Variants in ERICH1 observed in about 807,000 individuals in gnomAD.
ERICH1 encodes the protein glutamate rich 1.
ERICH1 carries 56 observed loss-of-function variants against 39.6 expected under a neutral mutation model. The ratio of observed to expected loss-of-function variants is 1.41; its 90% CI spans 1.14 to 1.77. The LOEUF is 1.77. ERICH1 is among the 40% of genes most tolerant of loss of function. The probability of loss-of-function intolerance (pLI) is 0.00; values close to 1 mark genes in which losing one functional copy is unlikely to be tolerated. For synonymous variants in ERICH1, 313 were observed against 223.6 expected (o/e 1.40, Z -3.57); for missense variants, 826 against 575.4 (o/e 1.44, Z -4.45).
chr8:641,322 C>G (rs1244607149), intron 3 of ERICH1: 1 of 152,164 alleles, frequency 6.6e-6, no homozygotes, highest in East Asian at 1.9e-4. Context: ...AAAAAGAAAT[C>G]AGCCATTTAG....
At chr8:685,422 T>C (rs1807104781) in intron 3 of ERICH1, among the ~76,000 whole-genome samples, 1 of 152,172 alleles carries the variant, frequency 6.6e-6, no homozygotes, top group African/African-American at 2.4e-5. Flanking sequence ...TTTGTGCAGT[T>C]AACGCAACCA....
chr8:643,333 G>A (rs924179052), intron 3 of ERICH1, among the ~76,000 whole-genome samples: 1 of 152,202 alleles, frequency 6.6e-6, no homozygotes, highest in East Asian at 1.9e-4. Flanking sequence ...GCAGGCTGCG[G>A]TGTGGCACAG....
intron 3 of ERICH1, among the ~76,000 whole-genome samples, chr8:630,039 C>T (rs1183325707): frequency 9.5e-6 from 1 of 105,484 alleles, no homozygotes; most frequent in African/African-American, 4.1e-5. Flanking sequence ...CCTCCCGTGA[C>T]CACCCACACA....
rs1447794011 is a variant in ERICH1, at chr8:731,154, G to T, written c.8C>A (p.Ala3Glu). MAAHRKHVFVEKV... is the reference protein window; with the variant it reads MAEHRKHVFVEKV... ...CACCCACCTACCGTGCTTCCTGTGC[G>T]CCGCCATGCGGGACCCTGCCGCGGA... Residue 3 changes from alanine to glutamate, a missense_variant, in exon 1 of 6, where the codon GCG (alanine) becomes GAG (glutamate). Coordinates refer to ENST00000262109, the MANE Select transcript of ERICH1 (RefSeq NM_207332.3). The T allele has an allele frequency of 2.6e-6, 4 of 1,515,042 alleles. No homozygotes were observed. In the Middle Eastern group the frequency reaches 6.9e-4, roughly 262 times the overall value. The allele number at this position is 1,515,042 out of a possible 1,614,324, so 93.8% of individuals were successfully genotyped here.
chr8:642,616 T>C (rs913861228), intron 3 of ERICH1, among the ~76,000 whole-genome samples: 1 of 152,154 alleles, frequency 6.6e-6, no homozygotes, highest in South Asian at 2.1e-4. Context: ...AGTGGAAATT[T>C]TTTTTTTTAA....
intron 1 of ERICH1, among the ~76,000 whole-genome samples, chr8:720,136 T>A (rs978365095): frequency 2.0e-5 from 3 of 152,220 alleles, no homozygotes; most frequent in Non-Finnish European, 1.5e-5. Context: ...CTGACTGCTC[T>A]GCACAAAAGA....
intron 1 of ERICH1, among the ~76,000 whole-genome samples, chr8:718,240 A>T (rs1033992361): frequency 1.3e-5 from 2 of 151,936 alleles, no homozygotes; most frequent in African/African-American, 4.8e-5. Flanking sequence ...TATGGATCGG[A>T]GTGCACGGAG....
At chr8:697,708 G>A (rs1267790633) in intron 2 of ERICH1, among the ~76,000 whole-genome samples, 1 of 141,948 alleles carries the variant, frequency 7.0e-6, no homozygotes, top group African/African-American at 2.6e-5. Context: ...CGCCCCCTCA[G>A]CCACCCACAC....
chr8:635,330 G>C (rs1263112503), intron 3 of ERICH1, among the ~76,000 whole-genome samples: 3 of 152,190 alleles, frequency 2.0e-5, no homozygotes, highest in Non-Finnish European at 4.4e-5. Flanking sequence ...GGGTTTATCC[G>C]GGTATAACGG....
downstream of ERICH1, among the ~76,000 whole-genome samples, chr8:659,981 C>G (rs1254376949): frequency 6.6e-6 from 1 of 152,240 alleles, no homozygotes; most frequent in African/African-American, 2.4e-5. Context: ...TTACAAGGAT[C>G]CTGGCCTCAA....
intron 2 of ERICH1, among the ~76,000 whole-genome samples, chr8:701,867 A>C (rs916395369): frequency 6.6e-6 from 1 of 151,990 alleles, no homozygotes; most frequent in Non-Finnish European, 1.5e-5. Context: ...TGAGGCAAGC[A>C]GATCAAGAGG....
At chr8:701,008 A>G (rs1481036028) in intron 2 of ERICH1, among the ~76,000 whole-genome samples, 1 of 152,284 alleles carries the variant, frequency 6.6e-6, no homozygotes, top group Admixed American at 6.5e-5. Flanking sequence ...TGCGTGCAGC[A>G]TCACGGACAA....
At chr8:627,508 C>A (rs1797660453) in intron 3 of ERICH1, among the ~76,000 whole-genome samples, 1 of 152,246 alleles carries the variant, frequency 6.6e-6, no homozygotes, top group African/African-American at 2.4e-5. Context: ...TGACCGCCAT[C>A]ATTTTCCACA....
At chr8:616,609 G>C in intron 3 of ERICH1, 2 of 455,512 alleles carry the variant, frequency 4.4e-6, no homozygotes, top group Non-Finnish European at 8.8e-6. Context: ...GAGAATAAGA[G>C]TGAGTGGGGA....
intron 3 of ERICH1, among the ~76,000 whole-genome samples, chr8:619,792 A>G (rs1046234199): frequency 6.6e-5 from 10 of 152,176 alleles, no homozygotes; most frequent in Non-Finnish European, 1.2e-4. Flanking sequence ...ATGGAATTGA[A>G]CTCATTCCAC....
Position 706,279 on chromosome 8 carries a change from C to T in ERICH1, c.169+9582G>A, listed in dbSNP as rs185838280. Among the ~76,000 whole-genome samples the T allele has an allele frequency of 3.3e-5, 5 of 152,294 alleles. No homozygotes were observed. In the East Asian group the frequency reaches 7.7e-4, roughly 23 times the overall value. On this transcript the variant is annotated intron_variant, in intron 2 of 5. Transcript: ENST00000262109. ...TGTAAGAGCTAATAAACTAGTTAGG[C>T]AAAACCGCAGGATACAAGGTCAATA...
intron 2 of ERICH1, among the ~76,000 whole-genome samples, chr8:707,277 G>T (rs548965748): frequency 6.9e-6 from 1 of 145,240 alleles, no homozygotes. Flanking sequence ...ATGCGATCTT[G>T]GCTCACTGCA....
At chr8:663,002 G>A (rs555924871), downstream of ERICH1, among the ~76,000 whole-genome samples, 4 of 152,344 alleles carry the variant, frequency 2.6e-5, no homozygotes, top group East Asian at 5.8e-4. Flanking sequence ...AGCAGCCTGC[G>A]TCCTGTCCTC....
chr8:680,599 TCCACAGC>T, intron 3 of ERICH1, among the ~76,000 whole-genome samples: 1 of 143,994 alleles, frequency 6.9e-6, no homozygotes, highest in South Asian at 2.2e-4. Flanking sequence ...TCCAAGAGAA[TCCACAGC>T]TGCCACCCCT....
Sources: gnomAD v4.1 joint callset for allele counts (sites outside exome capture counted in the v4.1 genomes callset) on GRCh38, gnomAD v4.1.1 for gene constraint, MANE v1.5 for transcripts, NCBI Gene and HGNC (gene_info 2026-07-23, HGNC 2026-07-21) for gene names.